PITPNM2: variants seen among roughly 807,000 people sequenced by gnomAD.
PITPNM2 encodes the protein membrane-associated phosphatidylinositol transfer protein 2.
A neutral mutation model predicts 132.2 loss-of-function variants in PITPNM2; 35 were observed. The ratio of observed to expected loss-of-function variants is 0.26; its 90% CI spans 0.20 to 0.35. The LOEUF (loss-of-function observed/expected upper bound fraction) is 0.35. Ranked by LOEUF, PITPNM2 falls within the 10% of genes least tolerant of loss-of-function variation. PITPNM2 has a pLI of 1.00. For missense variants in PITPNM2, 1,332 were observed against 1,912.0 expected, an observed-to-expected ratio of 0.70 and a Z score of 5.66; for synonymous variants, 738 against 799.2, an observed-to-expected ratio of 0.92 and a Z score of 1.29.
intron 3 of PITPNM2, among the ~76,000 whole-genome samples, chr12:123,019,892 G>A (rs914040553): frequency 1.3e-5 from 2 of 152,122 alleles, no homozygotes; most frequent in Non-Finnish European, 2.9e-5. Context: ...ACCTGCAGGG[G>A]AGCTGGGAGG....
In PITPNM2 at chr12:122,988,127, A is replaced by G. The variant is rs559818987; in HGVS notation, c.2997+107T>C. 6.9e-5 allele frequency: 69 copies of G among 1,007,132 alleles called. 1 individual carries two copies. Among genetic ancestry groups the G allele is most frequent in the Middle Eastern group, 5.2e-4 (2 of 3,844 alleles). The allele number at this position is 1,007,132 out of a possible 1,614,324, so 62.4% of individuals were successfully genotyped here. The stretch of plus-strand genomic sequence containing the variant: ...ACAGCTCCAACCTCATGGCCTGGGA[A>G]GGTACATAAGACTGCAGGCTTCCCT... On this transcript the variant is annotated intron_variant, in intron 20 of 25. Transcript: ENST00000320201.
intron 2 of PITPNM2, among the ~76,000 whole-genome samples, chr12:123,055,656 C>T (rs1026829381): frequency 7.2e-5 from 11 of 152,196 alleles, no homozygotes; most frequent in Non-Finnish European, 1.2e-4. Context: ...GGCTCAGATT[C>T]ACATGTTTCT....
At chr12:123,049,215 G>A (rs1281078591) in intron 2 of PITPNM2, among the ~76,000 whole-genome samples, 2 of 152,146 alleles carry the variant, frequency 1.3e-5, no homozygotes, top group African/African-American at 4.8e-5. Context: ...GCCAGGTGCT[G>A]CCTGAGGGTT....
chr12:123,018,057 T>C (rs964017518), intron 3 of PITPNM2, among the ~76,000 whole-genome samples: 1 of 126,618 alleles, frequency 7.9e-6, no homozygotes, highest in Non-Finnish European at 1.7e-5. Flanking sequence ...CCTCCCTCTT[T>C]TCTCTCTCTC....
In PITPNM2 at chr12:123,001,005, C is replaced by T. The variant is rs770445573; in HGVS notation, c.1153+49G>A. ...CTGGTCAGAAAGGAGGGGGCTGAAG[C>T]CCTGCAACCGCCCTCCCCAGGCTCT... On this transcript the variant is annotated intron_variant, in intron 9 of 25. Coordinates refer to ENST00000320201, the MANE Select transcript of PITPNM2 (RefSeq NM_020845.3). 5 of 1,574,612 alleles carry T rather than the reference C, an allele frequency of 3.2e-6. No homozygotes were observed. The East Asian group carries it at 1.1e-4, about 35-fold the overall frequency.
chr12:122,991,923 G>C, intron 16 of PITPNM2: 1 of 1,307,612 alleles, frequency 7.6e-7, no homozygotes, highest in Non-Finnish European at 9.7e-7. Flanking sequence ...GGAGAGAACA[G>C]AGGACAAGAA....
chr12:123,141,392 C>T (rs1321238218), intron 1 of PITPNM2, among the ~76,000 whole-genome samples: 1 of 152,218 alleles, frequency 6.6e-6, no homozygotes, highest in Non-Finnish European at 1.5e-5. Flanking sequence ...CACCTCCAGC[C>T]ACTGCCTCTG....
At chr12:123,030,628 G>T (rs2040053751) in intron 3 of PITPNM2, among the ~76,000 whole-genome samples, 1 of 151,836 alleles carries the variant, frequency 6.6e-6, no homozygotes, top group Non-Finnish European at 1.5e-5. Flanking sequence ...GGGAGGCGGA[G>T]CTTGCAGTGA....
chr12:123,005,720 G>A lies in PITPNM2; in HGVS notation c.644-172C>T. On this transcript the variant is annotated intron_variant, in intron 6 of 25. Coordinates refer to ENST00000320201, the MANE Select transcript of PITPNM2 (RefSeq NM_020845.3). This position sits in a 1 kb window ranked among gnomAD's most constrained non-coding sequence, Gnocchi z 6.2. ...CAGTTTCCCCATTTGTAAAATAAGG[G>A]GACTGGCTCACAGATAGTCTCACAA... 1 of 630,182 alleles carries A rather than the reference G, an allele frequency of 1.6e-6. No homozygotes were observed. Among genetic ancestry groups the A allele is most frequent in the Non-Finnish European group, 2.7e-6 (1 of 364,380 alleles). The allele number at this position is 630,182 out of a possible 1,614,324, so 39.0% of individuals were successfully genotyped here.
In PITPNM2 at chr12:123,106,400, A is replaced by G. The variant is rs982836542; in HGVS notation, c.-96+3985T>C. On this transcript the variant is annotated intron_variant, in intron 2 of 25. Transcript: ENST00000320201. This position sits in a 1 kb window ranked among gnomAD's most constrained non-coding sequence, Gnocchi z 4.4. ...AAGACTCCATCTCTAAAATAAGTAA[A>G]TAATTCCTTTAAAAAAAAAAACAGG... 1.3e-5 allele frequency among the ~76,000 whole-genome samples: 2 copies of G among 151,714 alleles called. No individual in the cohort carries two copies. The highest frequency in any genetic ancestry group is 2.9e-5 in the Non-Finnish European group (2 of 67,996).
intron 1 of PITPNM2, among the ~76,000 whole-genome samples, chr12:123,116,004 T>C (rs1387636109): frequency 2.0e-5 from 3 of 152,188 alleles, no homozygotes; most frequent in African/African-American, 7.2e-5. Flanking sequence ...TTTATGTGAA[T>C]GGGTCTGCAA....
chr12:123,033,069 T>C (rs2040149225), intron 3 of PITPNM2, among the ~76,000 whole-genome samples: 1 of 152,184 alleles, frequency 6.6e-6, no homozygotes, highest in South Asian at 2.1e-4. Flanking sequence ...AAGCCAGTGA[T>C]GGGAGGTGGA....
Position 123,005,682 on chromosome 12 carries a change from C to T in PITPNM2, c.644-134G>A, listed in dbSNP as rs1042776503. The stretch of plus-strand genomic sequence containing the variant: ...GTTGCAGGTCAAACTAAAGTCACTG[C>T]CTGTCTGTGCCTCAGTTTCCCCATT... On this transcript the variant is annotated intron_variant, in intron 6 of 25. Transcript: ENST00000320201. The surrounding 1 kb of genome is among the most constrained non-coding windows in gnomAD (Gnocchi z 6.2). The T allele has an allele frequency of 1.7e-5, 13 of 770,462 alleles. No homozygotes were observed. The highest frequency in any genetic ancestry group is 2.5e-5 in the Non-Finnish European group (12 of 479,108). The allele number at this position is 770,462 out of a possible 1,614,324, so 47.7% of individuals were successfully genotyped here.
rs1378848150 is a variant in PITPNM2 at position 123,012,657 on chromosome 12, T to C, written c.371A>G (p.Asp124Gly). ...TTCCACAGGAGAGAGGTTGAACACG[T>C]CGGGGTTTTCTCCAGCATCAGTTTT... Reference protein sequence around the residue: ...FYKTDAGENPDVFNLSPVEKN... With the variant: ...FYKTDAGENPGVFNLSPVEKN... The change falls in exon 5 of 26, where the codon GAC (aspartate) becomes GGC (glycine). Residue 124 changes from aspartate to glycine, a missense_variant. Around this residue, in one of 6 missense-constraint regions of PITPNM2, gnomAD observed 122 missense variants for 209.6 expected, o/e 0.58. Coordinates refer to ENST00000320201, the MANE Select transcript of PITPNM2 (RefSeq NM_020845.3). The C allele has an allele frequency of 1.9e-6, 3 of 1,613,980 alleles. No homozygotes were observed. In the East Asian group the frequency reaches 6.7e-5, roughly 36 times the overall value.
chr12:123,056,650 T>A (rs1410935146), intron 2 of PITPNM2, among the ~76,000 whole-genome samples: 1 of 151,802 alleles, frequency 6.6e-6, no homozygotes, highest in African/African-American at 2.4e-5. Context: ...CCCTCCTGGG[T>A]TGACAAAGAA....
Position 122,993,322 on chromosome 12 carries a change from C to T in PITPNM2, c.2234-653G>A, listed in dbSNP as rs1393493023. On this transcript the variant is annotated intron_variant, in intron 15 of 25. Transcript: ENST00000320201. The surrounding 1 kb of genome is among the most constrained non-coding windows in gnomAD (Gnocchi z 5.2). ...GCCCTGCCTGTATCGGAAAATGTTT[C>T]CCCTTCTGTCAAATGGGGCAGCAGT... Among the ~76,000 whole-genome samples, 1 of 152,110 alleles carries T rather than the reference C, an allele frequency of 6.6e-6. No homozygotes were observed. Among genetic ancestry groups the T allele is most frequent in the Non-Finnish European group, 1.5e-5 (1 of 68,028 alleles).
At chr12:122,989,071 G>A (rs986677978) in intron 18 of PITPNM2, among the ~76,000 whole-genome samples, 199 bp from the exon 19 acceptor site, 3 of 152,236 alleles carry the variant, frequency 2.0e-5, no homozygotes, top group African/African-American at 7.2e-5. Context: ...CAGGACAGTG[G>A]TGAGTGCCAG....
intron 13 of PITPNM2, 81 bp from the exon 14 acceptor site, chr12:122,995,741 C>T: frequency 6.9e-7 from 1 of 1,455,918 alleles, no homozygotes; most frequent in South Asian, 1.4e-5. Context: ...CTGCCTCCTC[C>T]CTCCTAACCC....
intron 2 of PITPNM2, among the ~76,000 whole-genome samples, chr12:123,037,024 C>A (rs1056626688): frequency 1.8e-4 from 28 of 152,362 alleles, no homozygotes; most frequent in African/African-American, 6.7e-4. Context: ...CTGTGGAGTT[C>A]TTCCCCATAC....
Sources: gnomAD v4.1 joint callset for allele counts (sites outside exome capture counted in the v4.1 genomes callset) on GRCh38, gnomAD v4.1.1 for gene constraint, gnomAD v4.1.1 regional missense constraint, Gnocchi (gnomAD v3.1) non-coding constraint, MANE v1.5 for transcripts, NCBI Gene and HGNC (gene_info 2026-07-23, HGNC 2026-07-21) for gene names.